Variants in CIAO3 observed in about 807,000 individuals in gnomAD.
CIAO3 encodes cytosolic iron-sulfur assembly component 3, also known as LET1 like/JFP15.
A neutral mutation model predicts 51.5 loss-of-function variants in CIAO3; 45 were observed. That is an observed-to-expected ratio of 0.87 (90% confidence interval 0.69 to 1.12). The LOEUF (loss-of-function observed/expected upper bound fraction) is 1.12. Among genes scored for constraint, CIAO3 ranks in the 50% most tolerant of loss-of-function variants. CIAO3 has a pLI of 0.00. For synonymous variants in CIAO3, 314 were observed against 269.3 expected, an observed-to-expected ratio of 1.17 and a Z score of -1.63; for missense variants, 668 against 632.5, an observed-to-expected ratio of 1.06 and a Z score of -0.60.
chr16:737,723 G>A lies in CIAO3; in HGVS notation c.163-394C>T, dbSNP rs1166024246. 7.7e-7 allele frequency: 1 copy of A among 1,291,678 alleles called. No individual in the cohort carries two copies. Among genetic ancestry groups the A allele is most frequent in the Non-Finnish European group, 1.0e-6 (1 of 990,854 alleles). 80.0% of individuals were successfully genotyped at this position (1,291,678 alleles called of 1,614,324 possible). Reference sequence around the variant, plus strand: ...GAAAGGAGGAGGCGGGAAAGCTGAGGACAAAGGAGGAAAGGACGAAGGCAC... The same window carrying A: ...GAAAGGAGGAGGCGGGAAAGCTGAGAACAAAGGAGGAAAGGACGAAGGCAC... On this transcript the variant is annotated intron_variant, in intron 2 of 10. Transcript: ENST00000251588. The surrounding 1 kb of genome is among the most constrained non-coding windows in gnomAD (Gnocchi z 5.3).
chr16:737,414 C>A lies in CIAO3; in HGVS notation c.163-85G>T. 1 of 1,592,866 alleles carries A rather than the reference C, an allele frequency of 6.3e-7. No individual in the cohort carries two copies. Among genetic ancestry groups the A allele is most frequent in the Non-Finnish European group, 8.6e-7 (1 of 1,167,618 alleles). ...AGGATAGTGGAGTCCAGCTCATAAC[C>A]GACAACCAACATGGCTGCTGGCTGG... On this transcript the variant is annotated intron_variant, in intron 2 of 10. Coordinates refer to ENST00000251588, the MANE Select transcript of CIAO3 (RefSeq NM_022493.3). The surrounding 1 kb of genome is among the most constrained non-coding windows in gnomAD (Gnocchi z 5.3).
chr16:734,231 G>A lies in CIAO3; in HGVS notation c.691C>T (p.Gln231Ter). 2 of 1,611,090 alleles carry A rather than the reference G, an allele frequency of 1.2e-6. No homozygotes were observed. Among genetic ancestry groups the A allele is most frequent in the Non-Finnish European group, 8.5e-7 (1 of 1,179,716 alleles). ...TGGGGCTGGCCCAACGCCGTTACCT[G>A]CTGCTGGGCGAAGAAGTCCTTGACC... ...SLVKDFFAQQ[Q>*]HLTPDKIYHV... is the part of the protein sequence containing the mutation. Residue 231 changes from glutamine (Q) to a stop codon, truncating the protein, a stop_gained and splice_region_variant, in exon 6 of 11, where the codon CAG becomes TAG. Transcript: ENST00000251588. LOFTEE classifies it high-confidence loss of function.
intron 8 of CIAO3, 149 bp downstream of exon 8, chr16:732,152 A>G (rs2041289761): frequency 2.5e-6 from 2 of 810,912 alleles, no homozygotes; most frequent in Admixed American, 4.7e-5. Flanking sequence ...TGCTGGGGTG[A>G]CAGGCGTGAG....
Position 739,597 on chromosome 16 carries a change from G to C in CIAO3, c.162+46C>G, listed in dbSNP as rs368038868. ...GGAGGAAGCAGAGAAAAGTGTTTCG[G>C]ATCAGCCGGGCAGGAGAGATGGTGG... On this transcript the variant is annotated intron_variant, in intron 2 of 10. Coordinates refer to ENST00000251588, the MANE Select transcript of CIAO3 (RefSeq NM_022493.3). The C allele has an allele frequency of 5.7e-6, 9 of 1,575,046 alleles. No individual in the cohort carries two copies. In the African/African-American group the frequency reaches 6.7e-5, roughly 12 times the overall value.
At chr16:735,520 ACTTG>A (rs1241484143) in intron 4 of CIAO3, 1 of 152,250 alleles carries the variant, frequency 6.6e-6, no homozygotes, top group African/African-American at 2.4e-5. Context: ...AAATCTTTGA[ACTTG>A]CTTCCTATTC....
At position 737,951 on chromosome 16, in the gene CIAO3, T is replaced by A; in HGVS notation, c.163-622A>T. On this transcript the variant is annotated intron_variant, in intron 2 of 10. Transcript: ENST00000251588. The surrounding 1 kb of genome is among the most constrained non-coding windows in gnomAD (Gnocchi z 5.3). ...CTTCTCCTGCAAAGGCAGGAATGGT[T>A]TGAGCAGGGCCAGGGGTGCTGCAGT... 8.5e-7 allele frequency: 1 copy of A among 1,180,444 alleles called. No homozygotes were observed. The highest frequency in any genetic ancestry group is 1.1e-6 in the Non-Finnish European group (1 of 938,060). The allele number at this position is 1,180,444 out of a possible 1,614,324, so 73.1% of individuals were successfully genotyped here.
At chr16:733,887 T>G (rs1409656619) in intron 6 of CIAO3, 2 of 386,824 alleles carry the variant, frequency 5.2e-6, no homozygotes, top group Non-Finnish European at 9.8e-6. Flanking sequence ...GTCTTCAGGC[T>G]TCTATCCCGC....
At position 734,300 on chromosome 16, in the gene CIAO3, G is replaced by A. The variant is rs147919065; in HGVS notation, c.622C>T (p.His208Tyr). ...TGCGGGGACCGGGCGGTGCTGATGT[G>A]GGGGAGGATGAAGCTGCCGTGAGTC... is the stretch of plus-strand genomic sequence containing the variant. ...EKTHGSFILP[H>Y]ISTARSPQQV... Residue 208 changes from histidine to tyrosine, a missense_variant, in exon 6 of 11, where the codon CAC becomes TAC. By Grantham distance (83) the His-to-Tyr change is moderately conservative. Coordinates refer to ENST00000251588, the MANE Select transcript of CIAO3 (RefSeq NM_022493.3). The A allele has an allele frequency of 5.6e-6, 9 of 1,611,798 alleles. No individual in the cohort carries two copies. The highest frequency in any genetic ancestry group is 1.1e-5 in the South Asian group (1 of 91,082).
chr16:730,432 C>T lies in CIAO3; in HGVS notation c.1416G>A (p.Leu472=), dbSNP rs748637228. The change falls in exon 11 of 11, where the codon CTG becomes CTA. Residue 472 remains leucine, a synonymous_variant. Transcript: ENST00000251588. The part of the protein sequence containing the change: ...YHAVEKASTG[L]GIRW ...CCTGCAGCCCCTACCACCGGATGCC[C>T]AGGCCAGTGCTGGCCTTCTCCACGG... 1 of 1,603,032 alleles carries T rather than the reference C, an allele frequency of 6.2e-7. No individual in the cohort carries two copies. Among genetic ancestry groups the T allele is most frequent in the Non-Finnish European group, 8.5e-7 (1 of 1,179,794 alleles).
In CIAO3 at chr16:730,963, C is replaced by T. The variant is rs1028756718; in HGVS notation, c.1072G>A (p.Gly358Ser). The T allele has an allele frequency of 7.4e-6, 12 of 1,612,868 alleles. No homozygotes were observed. In the African/African-American group the frequency reaches 1.3e-4, roughly 18 times the overall value. ...DFQEVTLEKE[G>S]QVLLHFAMAY... ...ATTGCGAAGTGCAGCAGCACCTGGC[C>T]CTCCTTCTCCAGTGTCACCTCCTGG... The change falls in exon 10 of 11, where the codon GGC becomes AGC. Residue 358 changes from glycine (G) to serine (S), a missense_variant. Gly to Ser is a moderately conservative substitution (Grantham distance 56). Transcript: ENST00000251588.
intron 7 of CIAO3, chr16:732,724 C>T (rs750781489): frequency 2.1e-4 from 76 of 360,636 alleles, no homozygotes; most frequent in South Asian, 1.6e-3. Flanking sequence ...ACGACCTCTG[C>T]CCCCCGGGAT....
chr16:731,386 G>T, intron 9 of CIAO3, 179 bp downstream of exon 9: 1 of 835,516 alleles, frequency 1.2e-6, no homozygotes, highest in Non-Finnish European at 1.8e-6. Flanking sequence ...GTGCTTAGGT[G>T]CCTTCACACC....
At chr16:731,851 ATCACAGGGGCCCAGCCACTTC>A in intron 8 of CIAO3, 149 bp from the exon 9 acceptor site, 1 of 1,064,492 alleles carries the variant, frequency 9.4e-7, no homozygotes, top group South Asian at 1.9e-5. Context: ...GTCACCAGCC[ATCACAGGGGCCCAGCCACTTC>A]TTGTTTTTTT....
intron 9 of CIAO3, 125 bp from the exon 10 acceptor site, chr16:731,125 T>A: frequency 6.5e-6 from 8 of 1,237,778 alleles, no homozygotes; most frequent in South Asian, 1.4e-5. Flanking sequence ...CCCTCTCTCC[T>A]GGGCAGAGGG....
rs2041352602 is a variant in CIAO3, at chr16:737,615, C to T, written c.163-286G>A. ...TCAGCAAAGCAGCAGCCACCCCACT[C>T]ACCCATGGGGCCCTGGACGGGGTGC... On this transcript the variant is annotated intron_variant, in intron 2 of 10. Coordinates refer to ENST00000251588, the MANE Select transcript of CIAO3 (RefSeq NM_022493.3). This position sits in a 1 kb window ranked among gnomAD's most constrained non-coding sequence, Gnocchi z 5.3. 2.9e-6 allele frequency: 4 copies of T among 1,402,628 alleles called. No individual in the cohort carries two copies. Among genetic ancestry groups the T allele is most frequent in the Non-Finnish European group, 3.8e-6 (4 of 1,063,066 alleles). 86.9% of individuals were successfully genotyped at this position (1,402,628 alleles called of 1,614,324 possible). A position where few individuals can be genotyped will look rare whatever the true frequency, so the allele number is the denominator to read the frequency against.
chr16:739,414 AG>A (rs2041369963), intron 2 of CIAO3: 1 of 575,498 alleles, frequency 1.7e-6, no homozygotes, highest in Non-Finnish European at 3.1e-6. Context: ...CTCTGCAAAT[AG>A]CCCCTCTGCT....
chr16:729,868 G>C lies in CIAO3; in HGVS notation c.*549C>G. 2.1e-6 allele frequency: 1 copy of C among 471,320 alleles called. No homozygotes were observed. Among genetic ancestry groups the C allele is most frequent in the Non-Finnish European group, 3.5e-6 (1 of 285,850 alleles). 29.2% of individuals were successfully genotyped at this position (471,320 alleles called of 1,614,324 possible). Reference sequence around the variant, plus strand: ...CCGCGATGGCTGCTGCTTCGTACTTGGCTTGCCCCGGACCACAGCCTCGTA... The same window carrying C: ...CCGCGATGGCTGCTGCTTCGTACTTCGCTTGCCCCGGACCACAGCCTCGTA... On this transcript the variant is annotated 3_prime_UTR_variant, in exon 11 of 11. Coordinates refer to ENST00000251588, the MANE Select transcript of CIAO3 (RefSeq NM_022493.3).
At chr16:731,373 G>C in intron 9 of CIAO3, 192 bp downstream of exon 9, 1 of 748,618 alleles carries the variant, frequency 1.3e-6, no homozygotes, top group Middle Eastern at 3.8e-4. Flanking sequence ...ACTGAGGCCT[G>C]GAGTGCTTAG....
intron 2 of CIAO3, among the ~76,000 whole-genome samples, chr16:739,057 G>A (rs1370406623): frequency 1.3e-5 from 2 of 151,466 alleles, no homozygotes; most frequent in East Asian, 4.0e-4. Flanking sequence ...CAGCACTTTG[G>A]GAGGCCAAGG....
Sources: gnomAD v4.1 joint callset for allele counts (sites outside exome capture counted in the v4.1 genomes callset) on GRCh38, gnomAD v4.1.1 for gene constraint, Gnocchi (gnomAD v3.1) non-coding constraint, MANE v1.5 for transcripts, NCBI Gene and HGNC (gene_info 2026-07-23, HGNC 2026-07-21) for gene names.